The following KCNJ6 variants were observed in gnomAD, a reference collection of about 807,000 sequenced individuals.
KCNJ6 encodes the protein G protein-activated inward rectifier potassium channel 2.
In KCNJ6, 9 loss-of-function variants were observed where a neutral mutation model predicts 34.2. The ratio of observed to expected loss-of-function variants is 0.26; its 90% confidence interval spans 0.16 to 0.46. The LOEUF is 0.46. Among genes scored for constraint, KCNJ6 ranks in the 20% least tolerant of loss-of-function variants. The pLI is 1.00. For missense variants in KCNJ6, 236 were observed against 531.3 expected, an observed-to-expected ratio of 0.44 and a Z score of 5.46; for synonymous variants, 196 against 207.1, an observed-to-expected ratio of 0.95 and a Z score of 0.46.
chr21:37,639,362 C>T (rs1338177072), intron 3 of KCNJ6, among the ~76,000 whole-genome samples: 1 of 152,164 alleles, frequency 6.6e-6, no homozygotes, highest in East Asian at 1.9e-4. Context: ...AAATTGCTTG[C>T]AATTCTTTTA....
At chr21:37,671,283 C>G (rs1336059052) in intron 3 of KCNJ6, among the ~76,000 whole-genome samples, 1 of 152,156 alleles carries the variant, frequency 6.6e-6, no homozygotes, top group Non-Finnish European at 1.5e-5. Context: ...ATTACTCATG[C>G]CTACATAATG....
At chr21:37,639,386 T>C (rs1158336904) in intron 3 of KCNJ6, among the ~76,000 whole-genome samples, 1 of 152,190 alleles carries the variant, frequency 6.6e-6, no homozygotes, top group Non-Finnish European at 1.5e-5. Flanking sequence ...CCTAGAATAT[T>C]CCCACGAGGT....
chr21:37,840,120 T>C (rs2055472874), intron 2 of KCNJ6, among the ~76,000 whole-genome samples: 1 of 152,208 alleles, frequency 6.6e-6, no homozygotes, highest in Non-Finnish European at 1.5e-5. Context: ...TAAAAATGCT[T>C]TGTGTATCCT....
At chr21:37,741,263 C>T (rs1232504199) in intron 2 of KCNJ6, among the ~76,000 whole-genome samples, 1 of 152,104 alleles carries the variant, frequency 6.6e-6, no homozygotes, top group Non-Finnish European at 1.5e-5. Flanking sequence ...CTGAAGAGTC[C>T]CCCCACACCC....
intron 2 of KCNJ6, among the ~76,000 whole-genome samples, chr21:37,770,797 A>G (rs1211489189): frequency 6.6e-6 from 1 of 152,130 alleles, no homozygotes; most frequent in African/African-American, 2.4e-5. Context: ...ATTTTTTCCT[A>G]TTTTGAGGGG....
intron 2 of KCNJ6, among the ~76,000 whole-genome samples, chr21:37,728,657 G>T (rs963093321): frequency 6.6e-6 from 1 of 151,022 alleles, no homozygotes; most frequent in South Asian, 2.1e-4. Context: ...CCAGTTACTA[G>T]TTAGTGATGC....
intron 1 of KCNJ6, among the ~76,000 whole-genome samples, chr21:37,889,535 A>C (rs1601518508): frequency 6.6e-6 from 1 of 152,264 alleles, no homozygotes; most frequent in Non-Finnish European, 1.5e-5. Flanking sequence ...TGGTGTTCCT[A>C]GAGGGCTGCC....
At chr21:37,853,846 G>GTGTGTATATATATATATATATATACA (rs71198897) in intron 1 of KCNJ6, among the ~76,000 whole-genome samples, 1 of 115,956 alleles carries the variant, frequency 8.6e-6, no homozygotes, top group South Asian at 2.6e-4. Flanking sequence ...ATATATATAT[G>GTGTGTATATATATATATATATATACA]TATATATATA....
intron 2 of KCNJ6, among the ~76,000 whole-genome samples, chr21:37,790,225 A>T (rs2055210789): frequency 6.6e-6 from 1 of 152,198 alleles, no homozygotes; most frequent in Non-Finnish European, 1.5e-5. Flanking sequence ...AACACTTTGA[A>T]TTGTGACTAG....
chr21:37,734,507 C>T (rs1188249967), intron 2 of KCNJ6, among the ~76,000 whole-genome samples: 4 of 152,150 alleles, frequency 2.6e-5, no homozygotes, highest in Non-Finnish European at 5.9e-5. Context: ...CAATTTGTAG[C>T]ATTTGTCAAT....
chr21:37,729,168 T>C (rs1479611214), intron 2 of KCNJ6, among the ~76,000 whole-genome samples: 1 of 152,190 alleles, frequency 6.6e-6, no homozygotes, highest in African/African-American at 2.4e-5. Context: ...TGAATTTAAA[T>C]TTAGAATGTC....
intron 2 of KCNJ6, among the ~76,000 whole-genome samples, chr21:37,722,910 T>C (rs893282919): frequency 6.6e-6 from 1 of 152,114 alleles, no homozygotes; most frequent in South Asian, 2.1e-4. Flanking sequence ...TTGAAAACAA[T>C]TGCAACAAGT....
At chr21:37,906,474 T>C (rs1196065683) in intron 1 of KCNJ6, among the ~76,000 whole-genome samples, 1 of 152,108 alleles carries the variant, frequency 6.6e-6, no homozygotes, top group Admixed American at 6.5e-5. Context: ...CCCTTTAGAG[T>C]GCATCAGAAT....
intron 2 of KCNJ6, among the ~76,000 whole-genome samples, chr21:37,718,384 A>G (rs2054805460): frequency 1.3e-5 from 2 of 152,234 alleles, no homozygotes; most frequent in African/African-American, 2.4e-5. Flanking sequence ...TATGACACCT[A>G]TAAGCAGATA....
chr21:37,698,136 G>T (rs745725010), intron 3 of KCNJ6, among the ~76,000 whole-genome samples: 3 of 152,226 alleles, frequency 2.0e-5, no homozygotes, highest in Non-Finnish European at 4.4e-5. Context: ...TTTACTGCGG[G>T]ATCTCTGCTT....
intron 3 of KCNJ6, among the ~76,000 whole-genome samples, chr21:37,669,849 A>G (rs1282560891): frequency 6.6e-6 from 1 of 152,170 alleles, no homozygotes; most frequent in Non-Finnish European, 1.5e-5. Context: ...ATGTATTTCA[A>G]TGCATACAAG....
At chr21:37,820,596 G>C (rs967258647) in intron 2 of KCNJ6, among the ~76,000 whole-genome samples, 1 of 152,128 alleles carries the variant, frequency 6.6e-6, no homozygotes, top group Non-Finnish European at 1.5e-5. Flanking sequence ...TTCCTGCTAC[G>C]AATTCTGGGG....
At chr21:37,791,986 T>C (rs1371646018) in intron 2 of KCNJ6, among the ~76,000 whole-genome samples, 1 of 152,246 alleles carries the variant, frequency 6.6e-6, no homozygotes, top group East Asian at 1.9e-4. Flanking sequence ...TCCCACCTTA[T>C]TTCCTTCAAA....
intron 3 of KCNJ6, among the ~76,000 whole-genome samples, chr21:37,708,570 T>C (rs2054733369): frequency 3.5e-3 from 1 of 284 alleles, no homozygotes; most frequent in Non-Finnish European, 7.0e-3. Flanking sequence ...GAAAAACATA[T>C]TCCATATGTC....
Sources: allele counts gnomAD v4.1 joint callset (sites outside exome capture counted in the v4.1 genomes callset), GRCh38; gene constraint gnomAD v4.1.1; transcripts MANE v1.5; gene names NCBI Gene and HGNC (gene_info 2026-07-23, HGNC 2026-07-21).